SPAG16: variants seen among roughly 807,000 people sequenced by gnomAD.
SPAG16 encodes the protein sperm associated antigen 16, also known as sperm-associated antigen 16 protein.
Under a neutral mutation model 80.4 loss-of-function variants are expected in SPAG16, and 86 were observed. The ratio of observed to expected loss-of-function variants is 1.07; its 90% CI spans 0.90 to 1.28. The LOEUF (loss-of-function observed/expected upper bound fraction) is 1.28, where lower values mean the gene tolerates loss of function less well. SPAG16 is among the 50% of genes most tolerant of loss of function. SPAG16 has a pLI of 0.00. For synonymous variants in SPAG16, 294 were observed against 265.9 expected (o/e 1.11, Z -1.03); for missense variants, 870 against 765.3 (o/e 1.14, Z -1.61).
intron 5 of SPAG16, among the ~76,000 whole-genome samples, chr2:213,338,700 A>C (rs2064512583): frequency 6.6e-6 from 1 of 152,206 alleles, no homozygotes; most frequent in East Asian, 1.9e-4. Context: ...GAATGGGACC[A>C]TGTCCTTTGT....
At chr2:213,759,315 A>G (rs2068518343) in intron 10 of SPAG16, among the ~76,000 whole-genome samples, 1 of 150,108 alleles carries the variant, frequency 6.7e-6, no homozygotes, top group African/African-American at 2.4e-5. Context: ...CGTGTTCTAC[A>G]TGCTTTAAGA....
At chr2:213,664,536 C>A (rs563354362) in intron 10 of SPAG16, among the ~76,000 whole-genome samples, 1 of 152,110 alleles carries the variant, frequency 6.6e-6, no homozygotes, top group East Asian at 1.9e-4. Flanking sequence ...ATGACAAGCT[C>A]TCTGAGTTTA....
intron 15 of SPAG16, among the ~76,000 whole-genome samples, chr2:214,278,410 G>T (rs1559176323): frequency 6.6e-6 from 1 of 152,130 alleles, no homozygotes; most frequent in South Asian, 2.1e-4. Flanking sequence ...ATCATGCTGG[G>T]AGCTGCAGAC....
At chr2:214,349,561 G>A (rs751332627) in intron 15 of SPAG16, among the ~76,000 whole-genome samples, 15 of 152,130 alleles carry the variant, frequency 9.9e-5, no homozygotes, top group Non-Finnish European at 2.1e-4. Context: ...AATACTTTCT[G>A]TTAGCATATA....
chr2:213,932,924 G>A (rs1425473625), intron 12 of SPAG16, among the ~76,000 whole-genome samples: 1 of 145,014 alleles, frequency 6.9e-6, no homozygotes, highest in Non-Finnish European at 1.5e-5. Context: ...AAATTGTTAT[G>A]TATTTCACTT....
chr2:213,760,342 A>G (rs1002286161), intron 10 of SPAG16, among the ~76,000 whole-genome samples: 2 of 152,186 alleles, frequency 1.3e-5, no homozygotes, highest in Non-Finnish European at 2.9e-5. Context: ...GACATTCTAT[A>G]TTAATAAAAG....
chr2:213,723,788 TCA>T (rs899336391), intron 10 of SPAG16, among the ~76,000 whole-genome samples: 29 of 152,292 alleles, frequency 1.9e-4, no homozygotes, highest in African/African-American at 5.5e-4. Context: ...CTTCAAAAAT[TCA>T]CAGACTCTCG....
chr2:213,299,014 G>A (rs535409025), intron 3 of SPAG16, among the ~76,000 whole-genome samples: 4 of 151,732 alleles, frequency 2.6e-5, no homozygotes, highest in African/African-American at 9.7e-5. Context: ...TTGTGCTATG[G>A]GCTTTCTCTT....
At chr2:213,713,785 C>G (rs1041643883) in intron 10 of SPAG16, among the ~76,000 whole-genome samples, 1 of 152,100 alleles carries the variant, frequency 6.6e-6, no homozygotes, top group African/African-American at 2.4e-5. Context: ...TTATATCAGA[C>G]TGGACTGGGA....
At chr2:213,890,446 A>T (rs2076742541) in intron 11 of SPAG16, among the ~76,000 whole-genome samples, 1 of 152,118 alleles carries the variant, frequency 6.6e-6, no homozygotes, top group African/African-American at 2.4e-5. Flanking sequence ...ATATTTTGTT[A>T]TTAGTAAATC....
At chr2:213,836,568 AT>A (rs2074095980) in intron 10 of SPAG16, among the ~76,000 whole-genome samples, 1 of 151,900 alleles carries the variant, frequency 6.6e-6, no homozygotes, top group African/African-American at 2.4e-5. Flanking sequence ...AGCAACCCTG[AT>A]TTTTTTAATG....
chr2:214,134,312 A>G (rs920048512), intron 14 of SPAG16, among the ~76,000 whole-genome samples: 3 of 152,128 alleles, frequency 2.0e-5, no homozygotes, highest in Admixed American at 6.6e-5. Context: ...TCACAGCACA[A>G]CTTGGCCCCA....
At chr2:213,595,990 G>C (rs1020969026) in intron 10 of SPAG16, among the ~76,000 whole-genome samples, 1 of 151,998 alleles carries the variant, frequency 6.6e-6, no homozygotes, top group Non-Finnish European at 1.5e-5. Context: ...TGTTCATCCT[G>C]TGTCAGTCTG....
chr2:213,878,131 C>A (rs1047896821), intron 11 of SPAG16, among the ~76,000 whole-genome samples: 1 of 152,092 alleles, frequency 6.6e-6, no homozygotes, highest in African/African-American at 2.4e-5. Flanking sequence ...ATTTTGAATT[C>A]TCTCTACCTT....
intron 13 of SPAG16, among the ~76,000 whole-genome samples, chr2:214,075,738 A>G (rs890602166): frequency 1.3e-5 from 2 of 152,236 alleles, no homozygotes; most frequent in African/African-American, 4.8e-5. Context: ...ATGATAATTA[A>G]GTGAAACTGA....
In SPAG16 at chr2:213,481,898, C is replaced by T. The variant is rs76496304; in HGVS notation, c.943-8065C>T. Among the ~76,000 whole-genome samples the T allele has an allele frequency of 1.3e-4, 20 of 152,304 alleles. No homozygotes were observed. In the East Asian group the frequency reaches 3.9e-3, roughly 29 times the overall value. ...CACAAGTTTATTAAGGTTGCCATTG[C>T]AGTGATTTTTGTAAATGAAGGAAGC... On this transcript the variant is annotated intron_variant, in intron 9 of 15. Transcript: ENST00000331683.
chr2:214,336,421 G>A (rs1697291860), intron 15 of SPAG16, among the ~76,000 whole-genome samples: 1 of 152,108 alleles, frequency 6.6e-6, no homozygotes, highest in Admixed American at 6.6e-5. Flanking sequence ...AATTCAATGA[G>A]GAAGACTAAG....
At chr2:213,777,263 T>C (rs2069653370) in intron 10 of SPAG16, among the ~76,000 whole-genome samples, 1 of 147,008 alleles carries the variant, frequency 6.8e-6, no homozygotes, top group South Asian at 2.2e-4. Context: ...TTTTTTTTTT[T>C]TGAGACGTAG....
At chr2:214,108,149 G>T in intron 13 of SPAG16, 47 bp from the exon 14 acceptor site, 2 of 1,432,108 alleles carry the variant, frequency 1.4e-6, no homozygotes, top group Non-Finnish European at 9.6e-7. Context: ...TCCTTTTTAC[G>T]TTCCAAAAGA....
Sources: allele counts gnomAD v4.1 joint callset (sites outside exome capture counted in the v4.1 genomes callset), GRCh38; gene constraint gnomAD v4.1.1; transcripts MANE v1.5; gene names NCBI Gene and HGNC (gene_info 2026-07-23, HGNC 2026-07-21).